Variants in CHID1 observed in about 807,000 individuals in gnomAD.
CHID1 encodes chitinase domain-containing protein 1.
Under a neutral mutation model 55.4 loss-of-function variants are expected in CHID1, and 44 were observed. That is an observed-to-expected ratio of 0.79 (90% CI 0.62 to 1.02). CHID1 has a LOEUF of 1.02. CHID1 is among the 50% of genes least tolerant of loss of function. The pLI is 0.00. For missense variants in CHID1, 491 were observed against 515.3 expected (o/e 0.95, Z 0.46); for synonymous variants, 216 against 212.9 (o/e 1.01, Z -0.13).
At chr11:888,604 C>T (rs1229075998) in intron 8 of CHID1, among the ~76,000 whole-genome samples, 1 of 152,252 alleles carries the variant, frequency 6.6e-6, no homozygotes, top group Non-Finnish European at 1.5e-5. Flanking sequence ...ACCGAAAACA[C>T]CATGTTCTGC....
Position 875,209 on chromosome 11 carries a change from G to A in CHID1, c.960-4710C>T, listed in dbSNP as rs1447245846. Among the ~76,000 whole-genome samples, 1 of 152,244 alleles carries A rather than the reference G, an allele frequency of 6.6e-6. No homozygotes were observed. The highest frequency in any genetic ancestry group is 1.9e-4 in the East Asian group (1 of 5,196). On this transcript the variant is annotated intron_variant, in intron 10 of 12. Transcript: ENST00000323578. The surrounding 1 kb of genome is among the most constrained non-coding windows in gnomAD (Gnocchi z 4.7). ...TGCAGACACTGAAACCCCAGGCCAGGTGCTCCTATCTTCACAGGTTTCAGT... is the reference window on the plus strand; with the variant it reads ...TGCAGACACTGAAACCCCAGGCCAGATGCTCCTATCTTCACAGGTTTCAGT...
chr11:871,290 C>T (rs1200137283), intron 10 of CHID1, among the ~76,000 whole-genome samples: 1 of 152,168 alleles, frequency 6.6e-6, no homozygotes, highest in Non-Finnish European at 1.5e-5. Context: ...CGCGCCTGGC[C>T]TCTGCACCCT....
At chr11:913,141 G>GC (rs571704652), upstream of CHID1, among the ~76,000 whole-genome samples, 24,155 of 144,308 alleles carry the variant, frequency 0.17, 2,097 homozygotes, top group Middle Eastern at 0.26. Flanking sequence ...CAGGAAAATT[G>GC]CCCCCCCCCG....
chr11:876,157 G>C (rs577159086), intron 10 of CHID1, among the ~76,000 whole-genome samples: 1 of 152,174 alleles, frequency 6.6e-6, no homozygotes, highest in African/African-American at 2.4e-5. Context: ...CGGCACAGGT[G>C]CAAGGACAGA....
intron 10 of CHID1, among the ~76,000 whole-genome samples, chr11:876,155 G>A (rs1849501430): frequency 6.6e-6 from 1 of 152,162 alleles, no homozygotes; most frequent in Non-Finnish European, 1.5e-5. Flanking sequence ...GCCGGCACAG[G>A]TGCAAGGACA....
intron 10 of CHID1, among the ~76,000 whole-genome samples, chr11:879,497 G>GGTGCACACAGGACCTTGTGAGGACACAT (rs1849742538): frequency 6.6e-6 from 1 of 151,186 alleles, no homozygotes; most frequent in South Asian, 2.1e-4. Flanking sequence ...TGAGGACACA[G>GGTGCACACAGGACCTTGTGAGGACACAT]GGAGAAGGCA....
intron 8 of CHID1, among the ~76,000 whole-genome samples, chr11:888,156 C>T (rs1465222501): frequency 1.3e-5 from 2 of 152,374 alleles, no homozygotes; most frequent in Middle Eastern, 3.4e-3. Context: ...AACTTTGCTA[C>T]AGCTGGGCAC....
chr11:891,041 A>G (rs1850779507), intron 8 of CHID1, among the ~76,000 whole-genome samples: 1 of 152,166 alleles, frequency 6.6e-6, no homozygotes, highest in Non-Finnish European at 1.5e-5. Flanking sequence ...AGCACCAGGG[A>G]CAGGGATTTA....
At chr11:879,436 T>C (rs367657906) in intron 10 of CHID1, among the ~76,000 whole-genome samples, 22 of 38,210 alleles carry the variant, frequency 5.8e-4, no homozygotes, top group African/African-American at 3.2e-3. Flanking sequence ...GCAACATGAC[T>C]GGTGTCTTAT....
At chr11:911,660 T>C (rs1852697248), upstream of CHID1, among the ~76,000 whole-genome samples, 1 of 152,190 alleles carries the variant, frequency 6.6e-6, no homozygotes, top group South Asian at 2.1e-4. Context: ...AGCTTTGTCT[T>C]TCTTTCTAGT....
chr11:890,462 C>G (rs953338961), intron 8 of CHID1, among the ~76,000 whole-genome samples: 1 of 152,230 alleles, frequency 6.6e-6, no homozygotes, highest in Non-Finnish European at 1.5e-5. Context: ...GTCGCGGCCC[C>G]GCCCACCTCA....
chr11:890,038 G>A (rs2134224290), intron 8 of CHID1, among the ~76,000 whole-genome samples: 1 of 151,248 alleles, frequency 6.6e-6, no homozygotes, highest in Non-Finnish European at 1.5e-5. Flanking sequence ...GCTCCCCATG[G>A]CCTTGGGTCC....
At chr11:877,606 C>T (rs1849600144) in intron 10 of CHID1, among the ~76,000 whole-genome samples, 1 of 152,240 alleles carries the variant, frequency 6.6e-6, no homozygotes, top group Non-Finnish European at 1.5e-5. Context: ...CCTAACTCAT[C>T]ACCCTCAGAT....
At chr11:888,287 AAG>A (rs1850546091) in intron 8 of CHID1, among the ~76,000 whole-genome samples, 1 of 152,192 alleles carries the variant, frequency 6.6e-6, no homozygotes, top group Non-Finnish European at 1.5e-5. Flanking sequence ...CAGTGGGAGA[AAG>A]AGGGGAGGGC....
At chr11:902,055 T>C (rs1851854128) in intron 4 of CHID1, 143 bp downstream of exon 4, 1 of 870,746 alleles carries the variant, frequency 1.1e-6, no homozygotes, top group South Asian at 1.6e-5. Flanking sequence ...ACATTCACAC[T>C]TAAATCACGC....
chr11:904,420 G>A (rs899895699), intron 2 of CHID1, among the ~76,000 whole-genome samples: 5 of 152,224 alleles, frequency 3.3e-5, no homozygotes, highest in Admixed American at 3.3e-4. Flanking sequence ...GGTAGAGCAT[G>A]GAAACTGGCA....
chr11:900,235 C>T (rs1301467787), intron 5 of CHID1, 125 bp from the exon 6 acceptor site: 6 of 690,380 alleles, frequency 8.7e-6, no homozygotes, highest in African/African-American at 1.8e-5. Flanking sequence ...CAGTGAGGGG[C>T]AGGGAGGCCA....
chr11:901,083 G>A, intron 4 of CHID1, 103 bp from the exon 5 acceptor site: 1 of 1,084,316 alleles, frequency 9.2e-7, no homozygotes, highest in Non-Finnish European at 1.3e-6. Flanking sequence ...TACGCAATGG[G>A]AAGGGCAGGG....
At chr11:901,915 G>A (rs1409581622) in intron 4 of CHID1, among the ~76,000 whole-genome samples, 1 of 72,182 alleles carries the variant, frequency 1.4e-5, no homozygotes, top group Non-Finnish European at 2.7e-5. Flanking sequence ...TGAGGGCGTG[G>A]TTCTCACAGT....
Sources: gnomAD v4.1 joint callset for allele counts (sites outside exome capture counted in the v4.1 genomes callset) on GRCh38, gnomAD v4.1.1 for gene constraint, Gnocchi (gnomAD v3.1) non-coding constraint, MANE v1.5 for transcripts, NCBI Gene and HGNC (gene_info 2026-07-23, HGNC 2026-07-21) for gene names.